MYO1E: variants seen among roughly 807,000 people sequenced by gnomAD.
MYO1E encodes myosin IE.
In MYO1E, 68 loss-of-function variants were observed where a neutral mutation model predicts 151.1. The observed-to-expected ratio is 0.45, with a 90% CI of 0.37 to 0.55. The LOEUF (loss-of-function observed/expected upper bound fraction) is 0.55. MYO1E is among the 20% of genes least tolerant of loss of function. The pLI is 0.00. For missense variants in MYO1E, 1,363 were observed against 1,389.3 expected, an observed-to-expected ratio of 0.98 and a Z score of 0.30; for synonymous variants, 601 against 501.7, an observed-to-expected ratio of 1.20 and a Z score of -2.64.
In MYO1E at chr15:59,195,528, T is replaced by C; in HGVS notation, c.1738A>G (p.Thr580Ala). The C allele has an allele frequency of 6.2e-7, 1 of 1,614,142 alleles. No homozygotes were observed. Among genetic ancestry groups the C allele is most frequent in the Non-Finnish European group, 8.5e-7 (1 of 1,179,992 alleles). Residue 580 changes from threonine to alanine, a missense_variant, in exon 17 of 28, where the codon ACG (threonine) becomes GCG (alanine). Coordinates refer to ENST00000288235, the MANE Select transcript of MYO1E (RefSeq NM_004998.4). ...TTGATGCAGCGAATGTAGTGGGGCG[T>C]ACATTTCATCAGGGTGCTCACAAGG... ...NDLVSTLMKC[T>A]PHYIRCIKPN...
At chr15:59,256,250 C>T in intron 4 of MYO1E, 34 bp downstream of exon 4, 1 of 1,499,054 alleles carries the variant, frequency 6.7e-7, no homozygotes, top group Non-Finnish European at 9.3e-7. Flanking sequence ...AGTCTCATAT[C>T]TTCCACGCCC....
chr15:59,302,544 G>C (rs1188099284), intron 1 of MYO1E, among the ~76,000 whole-genome samples: 2 of 152,116 alleles, frequency 1.3e-5, no homozygotes, highest in African/African-American at 4.8e-5. Flanking sequence ...TCTGTGTCTA[G>C]GACTCATCTG....
chr15:59,138,445 G>C, intron 26 of MYO1E, 78 bp from the exon 27 acceptor site: 1 of 1,472,696 alleles, frequency 6.8e-7, no homozygotes, highest in East Asian at 2.3e-5. Flanking sequence ...GAGCATGGCG[G>C]CCGGCACTGG....
intron 25 of MYO1E, among the ~76,000 whole-genome samples, chr15:59,157,093 G>A (rs1434028847): frequency 1.3e-5 from 2 of 152,062 alleles, no homozygotes; most frequent in East Asian, 3.9e-4. Context: ...AGGTGTGGTG[G>A]TGCGTGCCTG....
chr15:59,156,073 A>G (rs866026431), intron 25 of MYO1E, among the ~76,000 whole-genome samples: 9 of 152,334 alleles, frequency 5.9e-5, no homozygotes, highest in African/African-American at 2.2e-4. Context: ...CTCAGGCTGG[A>G]GTGCAGTGGC....
rs560181466 is a variant in MYO1E at position 59,370,189 on chromosome 15, C to T, written c.3+2309G>A. On this transcript the variant is annotated intron_variant, in intron 1 of 27. Transcript: ENST00000288235. ...AAAGAAGGTAATGTCCTTTCCCTTC[C>T]TGTTCTAAGCAGCTGAAGGGATACA... Among the ~76,000 whole-genome samples, 104 of 152,322 alleles carry T rather than the reference C, an allele frequency of 6.8e-4. 1 individual carries two copies. The highest frequency in any genetic ancestry group is 2.5e-3 in the African/African-American group (103 of 41,570).
chr15:59,189,651 T>C (rs1468618231), intron 17 of MYO1E, among the ~76,000 whole-genome samples: 1 of 152,218 alleles, frequency 6.6e-6, no homozygotes, highest in East Asian at 1.9e-4. Flanking sequence ...CTCGGCTCTC[T>C]GCAAACTCCG....
intron 1 of MYO1E, among the ~76,000 whole-genome samples, chr15:59,297,142 G>A (rs1396452073): frequency 2.0e-5 from 3 of 151,060 alleles, no homozygotes; most frequent in Non-Finnish European, 4.4e-5. Flanking sequence ...GCGAGCCACC[G>A]CACCCGGCCA....
At chr15:59,227,326 A>T in intron 7 of MYO1E, 133 bp downstream of exon 7, 1 of 1,071,330 alleles carries the variant, frequency 9.3e-7, no homozygotes, top group Non-Finnish European at 1.4e-6. Context: ...ACAATTCTGC[A>T]CATTGACTTG....
At chr15:59,244,636 T>C (rs1175265735) in intron 4 of MYO1E, among the ~76,000 whole-genome samples, 4 of 152,074 alleles carry the variant, frequency 2.6e-5, no homozygotes, top group Non-Finnish European at 5.9e-5. Flanking sequence ...CAGAGAAAAG[T>C]ATAAAGACTG....
chr15:59,205,090 G>C (rs2079824776), intron 15 of MYO1E, among the ~76,000 whole-genome samples: 1 of 152,210 alleles, frequency 6.6e-6, no homozygotes, highest in Non-Finnish European at 1.5e-5. Flanking sequence ...TGATAATCCA[G>C]ACCCAATAGC....
chr15:59,207,739 A>G (rs1380286533), intron 14 of MYO1E: 2 of 1,614,194 alleles, frequency 1.2e-6, no homozygotes, highest in Admixed American at 1.7e-5. Context: ...GAACTCTGAT[A>G]TAGGAACTGA....
intron 22 of MYO1E, among the ~76,000 whole-genome samples, chr15:59,169,842 G>GT (rs1267396719): frequency 6.6e-6 from 1 of 152,180 alleles, no homozygotes; most frequent in Non-Finnish European, 1.5e-5. Context: ...CAATAAGATA[G>GT]TAAGTGTCAA....
intron 16 of MYO1E, among the ~76,000 whole-genome samples, chr15:59,195,940 G>C (rs561730612): frequency 6.6e-6 from 1 of 152,126 alleles, no homozygotes; most frequent in Admixed American, 6.6e-5. Flanking sequence ...CTGATAGAGC[G>C]CCTTTGAAGA....
Position 59,137,348 on chromosome 15 carries a change from C to G in MYO1E, c.*32G>C, listed in dbSNP as rs777328038. 1 of 1,592,342 alleles carries G rather than the reference C, an allele frequency of 6.3e-7. No individual in the cohort carries two copies. The highest frequency in any genetic ancestry group is 8.6e-7 in the Non-Finnish European group (1 of 1,160,092). ...CCTCCCCTGGTCTGTGCCTGGAGCT[C>G]CTCTGCCCCATGTGTCAGAGTCACG... is the stretch of plus-strand genomic sequence containing the variant. On this transcript the variant is annotated 3_prime_UTR_variant, in exon 28 of 28. Transcript: ENST00000288235.
At chr15:59,152,810 T>TGCCTGGTGATCCCCATCC (rs1226069045) in intron 26 of MYO1E, among the ~76,000 whole-genome samples, 5 of 152,294 alleles carry the variant, frequency 3.3e-5, no homozygotes, top group African/African-American at 1.2e-4. Context: ...TGAACACTCC[T>TGCCTGGTGATCCCCATCC]GCCTGGTGAT....
intron 1 of MYO1E, among the ~76,000 whole-genome samples, chr15:59,294,533 C>T (rs1406224673): frequency 6.6e-6 from 1 of 152,188 alleles, no homozygotes; most frequent in Non-Finnish European, 1.5e-5. Flanking sequence ...CCATATACCA[C>T]AAAATGTCCT....
chr15:59,176,899 A>G (rs12898967), intron 19 of MYO1E, among the ~76,000 whole-genome samples: 67,401 of 152,094 alleles, frequency 0.44, 18,139 homozygotes, highest in Non-Finnish European at 0.61. Context: ...GGAGAGTCAA[A>G]TAATGGTAAT....
intron 18 of MYO1E, among the ~76,000 whole-genome samples, chr15:59,178,766 A>G (rs2079640764): frequency 6.6e-6 from 1 of 152,204 alleles, no homozygotes; most frequent in Admixed American, 6.5e-5. Context: ...CTTTCCCAGC[A>G]TTCCCACGTC....
Sources: allele counts gnomAD v4.1 joint callset (sites outside exome capture counted in the v4.1 genomes callset), GRCh38; gene constraint gnomAD v4.1.1; transcripts MANE v1.5; gene names NCBI Gene and HGNC (gene_info 2026-07-23, HGNC 2026-07-21).